IGSF10: variants seen among roughly 807,000 people sequenced by gnomAD.
IGSF10 encodes calvaria mechanical force protein 608.
Under a neutral mutation model 128.2 loss-of-function variants are expected in IGSF10, and 126 were observed. The observed-to-expected ratio is 0.98, with a 90% CI of 0.85 to 1.14. The LOEUF (loss-of-function observed/expected upper bound fraction) is 1.14, where lower values mean the gene tolerates loss of function less well. Ranked by LOEUF, IGSF10 falls within the 50% of genes most tolerant of loss-of-function variation. IGSF10 has a pLI of 0.00. For synonymous variants in IGSF10, 1,185 were observed against 1,146.2 expected, an observed-to-expected ratio of 1.03 and a Z score of -0.68; for missense variants, 3,295 against 3,149.8, an observed-to-expected ratio of 1.05 and a Z score of -1.10.
At chr3:151,463,616 G>A (rs936258868), upstream of IGSF10, among the ~76,000 whole-genome samples, 3 of 117,448 alleles carry the variant, frequency 2.6e-5, no homozygotes, top group African/African-American at 3.3e-5. Flanking sequence ...GCGCAATCTC[G>A]GCTCACCACA....
chr3:151,448,751 C>T lies in IGSF10; in HGVS notation c.1230G>A (p.Lys410=). 6.2e-7 allele frequency: 1 copy of T among 1,613,694 alleles called. No homozygotes were observed. Among genetic ancestry groups the T allele is most frequent in the Non-Finnish European group, 8.5e-7 (1 of 1,179,614 alleles). ...CTATGTTGGTAAAAATGTCTTCAGGCTTAGGAGCCACCTGTTTATATTTGT... is the reference window on the plus strand; with the variant it reads ...CTATGTTGGTAAAAATGTCTTCAGGTTTAGGAGCCACCTGTTTATATTTGT... The part of the protein sequence containing the change: ...LYYKYKQVAP[K]PEDIFTNIEA... The change falls in exon 6 of 8, where the codon AAG becomes AAA. Residue 410 remains lysine, a synonymous_variant. Transcript: ENST00000282466.
chr3:151,447,832 T>TAC lies in IGSF10; in HGVS notation c.2147_2148dup (p.Lys717ValfsTer9). On this transcript the variant is annotated frameshift_variant, in exon 6 of 8. Coordinates refer to ENST00000282466, the MANE Select transcript of IGSF10 (RefSeq NM_178822.5). LOFTEE classifies it high-confidence loss of function. Reference sequence around the variant, plus strand: ...GTTAATTCCCGATAGTTGTGCCTCTTACTTGTGCTTGAGGTGTGTTTTCCA... The same window carrying TAC: ...GTTAATTCCCGATAGTTGTGCCTCTTACACTTGTGCTTGAGGTGTGTTTTCCA... The TAC allele has an allele frequency of 6.2e-7, 1 of 1,612,884 alleles. No homozygotes were observed. The highest frequency in any genetic ancestry group is 1.1e-5 in the South Asian group (1 of 91,080).
the IGSF10 span, among the ~76,000 whole-genome samples, chr3:151,467,794 G>A: frequency 1.0e-3 from 152 of 151,696 alleles, no homozygotes; most frequent in Non-Finnish European, 1.7e-3. Context: ...TGAGGCAGGA[G>A]AATGGCGTGA....
chr3:151,505,462 A>C, the IGSF10 span, among the ~76,000 whole-genome samples: 1 of 152,212 alleles, frequency 6.6e-6, no homozygotes, highest in African/African-American at 2.4e-5. Context: ...TTGCACATTT[A>C]GTGAGGAAAA....
the IGSF10 span, among the ~76,000 whole-genome samples, chr3:151,484,494 A>G: frequency 2.0e-5 from 3 of 152,146 alleles, no homozygotes; most frequent in Non-Finnish European, 2.9e-5. Context: ...ACCCCTGTGT[A>G]TCCTGACTGG....
At chr3:151,472,328 G>C in the IGSF10 span, among the ~76,000 whole-genome samples, 1 of 152,164 alleles carries the variant, frequency 6.6e-6, no homozygotes, top group East Asian at 1.9e-4. Context: ...TTCCAATGTA[G>C]TAAAGCTGAT....
At chr3:151,565,837 T>C in the IGSF10 span, 1 of 151,992 alleles carries the variant, frequency 6.6e-6, no homozygotes. Context: ...TAGATTAAGA[T>C]GATAGCTATG....
rs778456874 is a variant in IGSF10, at chr3:151,445,532, C to T, written c.4449G>A (p.Gln1483=). The change falls in exon 6 of 8, where the codon CAG becomes CAA. Residue 1483 remains glutamine, a synonymous_variant. Coordinates refer to ENST00000282466, the MANE Select transcript of IGSF10 (RefSeq NM_178822.5). The part of the protein sequence containing the change: ...MPVPISPPFT[Q]RAVTDNVATP... ...TCGCCACGTTGTCAGTAACTGCTCTCTGAGTAAAGGGAGGGGAGATGGGAA... is the reference window on the plus strand; with the variant it reads ...TCGCCACGTTGTCAGTAACTGCTCTTTGAGTAAAGGGAGGGGAGATGGGAA... 6.2e-7 allele frequency: 1 copy of T among 1,614,156 alleles called. No individual in the cohort carries two copies. Among genetic ancestry groups the T allele is most frequent in the East Asian group, 2.2e-5 (1 of 44,878 alleles).
At chr3:151,578,415 T>G in the IGSF10 span, among the ~76,000 whole-genome samples, 1 of 152,196 alleles carries the variant, frequency 6.6e-6, no homozygotes, top group East Asian at 1.9e-4. Context: ...AAGTTTTCAC[T>G]GAAAATTTAT....
chr3:151,438,686 T>G, intron 7 of IGSF10, 89 bp from the exon 8 acceptor site: 1 of 925,728 alleles, frequency 1.1e-6, no homozygotes, highest in South Asian at 1.7e-5. Flanking sequence ...TGCCCCAGCT[T>G]TATTGAAGCA....
the IGSF10 span, among the ~76,000 whole-genome samples, chr3:151,611,901 C>G: frequency 6.6e-6 from 1 of 152,124 alleles, no homozygotes; most frequent in African/African-American, 2.4e-5. Context: ...GAACTATGTA[C>G]GAATTTCCTT....
chr3:151,462,477 T>G (rs1365900917), upstream of IGSF10, among the ~76,000 whole-genome samples: 1 of 152,196 alleles, frequency 6.6e-6, no homozygotes, highest in East Asian at 1.9e-4. Flanking sequence ...ACCAACTCAT[T>G]TCAGCCTCAC....
At chr3:151,607,766 C>T in the IGSF10 span, among the ~76,000 whole-genome samples, 4 of 150,828 alleles carry the variant, frequency 2.7e-5, no homozygotes, top group Non-Finnish European at 5.9e-5. Flanking sequence ...AAAAAATTAG[C>T]CGGGTGTGGT....
the IGSF10 span, among the ~76,000 whole-genome samples, chr3:151,603,239 C>G: frequency 6.6e-5 from 10 of 152,176 alleles, no homozygotes; most frequent in African/African-American, 2.2e-4. Context: ...GAACTCAGTT[C>G]TTTCTGTTCT....
the IGSF10 span, among the ~76,000 whole-genome samples, chr3:151,486,467 T>C: frequency 1.3e-5 from 2 of 152,166 alleles, no homozygotes; most frequent in Non-Finnish European, 2.9e-5. Flanking sequence ...CAAGCAGACC[T>C]AATAGACATC....
downstream of IGSF10, among the ~76,000 whole-genome samples, chr3:151,432,477 A>G (rs1034561755): frequency 1.3e-5 from 2 of 152,222 alleles, no homozygotes; most frequent in African/African-American, 4.8e-5. Flanking sequence ...GTTAATACCA[A>G]GTAGTTTAGT....
the IGSF10 span, among the ~76,000 whole-genome samples, chr3:151,566,333 C>G: frequency 6.6e-6 from 1 of 152,142 alleles, no homozygotes; most frequent in East Asian, 1.9e-4. Context: ...CTCCCCAGAA[C>G]TGAGGGATGA....
rs1196617456 is a variant in IGSF10, at chr3:151,442,998, G to GATGGTA, written c.5948_5949insTACCAT (p.Val1983_Asp1984insThrIle). On this transcript the variant is annotated inframe_insertion, in exon 7 of 8. Transcript: ENST00000282466. ...TATAGACTTACCTATGCTGCTGGTC[G>GATGGTA]ACCACAGCCTTGGATGGTAACCTCC... 1 of 1,613,300 alleles carries GATGGTA rather than the reference G, an allele frequency of 6.2e-7. No homozygotes were observed. Among genetic ancestry groups the GATGGTA allele is most frequent in the African/African-American group, 1.3e-5 (1 of 74,902 alleles).
the IGSF10 span, among the ~76,000 whole-genome samples, chr3:151,572,196 C>T: frequency 1.3e-5 from 2 of 152,092 alleles, no homozygotes; most frequent in Non-Finnish European, 1.5e-5. Context: ...TTTGTTGTGC[C>T]TCTGCCAGGT....
Sources: allele counts gnomAD v4.1 joint callset (sites outside exome capture counted in the v4.1 genomes callset), GRCh38; gene constraint gnomAD v4.1.1; transcripts MANE v1.5; gene names NCBI Gene and HGNC (gene_info 2026-07-23, HGNC 2026-07-21).